The following KLF12 variants were observed in gnomAD, a reference collection of about 807,000 sequenced individuals.
KLF12 encodes KLF transcription factor 12.
Under a neutral mutation model 37.8 loss-of-function variants are expected in KLF12, and 9 were observed. The observed-to-expected ratio is 0.24, with a 90% CI of 0.14 to 0.42. KLF12 has a LOEUF of 0.42. Among genes scored for constraint, KLF12 ranks in the 10% least tolerant of loss-of-function variants. The pLI is 1.00. For synonymous variants in KLF12, 208 were observed against 202.1 expected, an observed-to-expected ratio of 1.03 and a Z score of -0.25; for missense variants, 411 against 516.0, an observed-to-expected ratio of 0.80 and a Z score of 1.97.
chr13:73,699,701 G>A (rs570256601), intron 7 of KLF12, among the ~76,000 whole-genome samples: 1 of 152,274 alleles, frequency 6.6e-6, no homozygotes, highest in East Asian at 1.9e-4. Context: ...CTGGGAAGTG[G>A]GGTTACAACA....
the KLF12 span, among the ~76,000 whole-genome samples, chr13:74,249,378 ACG>A: frequency 4.9e-5 from 7 of 141,590 alleles, no homozygotes; most frequent in Admixed American, 5.2e-4. Context: ...ACACACACAC[ACG>A]CACACCCTCA....
At chr13:73,883,924 G>A (rs771410133) in intron 3 of KLF12, among the ~76,000 whole-genome samples, 1 of 152,150 alleles carries the variant, frequency 6.6e-6, no homozygotes, top group Non-Finnish European at 1.5e-5. Context: ...AAATGGAGTG[G>A]CAGTCAACTT....
At chr13:74,127,695 C>A (rs905384536) in intron 1 of KLF12, among the ~76,000 whole-genome samples, 2 of 152,118 alleles carry the variant, frequency 1.3e-5, no homozygotes, top group African/African-American at 4.8e-5. Flanking sequence ...AGAAATCATG[C>A]GTGATTATAA....
chr13:73,929,043 G>A (rs1889542242), intron 3 of KLF12, among the ~76,000 whole-genome samples: 1 of 152,132 alleles, frequency 6.6e-6, no homozygotes, highest in South Asian at 2.1e-4. Flanking sequence ...ACCATTTTGT[G>A]ACTAAAAATG....
chr13:74,257,357 T>C, the KLF12 span: 2 of 152,102 alleles, frequency 1.3e-5, no homozygotes, highest in African/African-American at 4.8e-5. Flanking sequence ...GTGGACTGAG[T>C]TAACTCCCGA....
chr13:73,782,322 G>A (rs1252274549), intron 5 of KLF12, among the ~76,000 whole-genome samples: 2 of 152,176 alleles, frequency 1.3e-5, no homozygotes, highest in Non-Finnish European at 2.9e-5. Context: ...ATGCTGCAGT[G>A]CTGACATGTG....
At chr13:73,933,551 C>T (rs1889783256) in intron 3 of KLF12, among the ~76,000 whole-genome samples, 1 of 152,100 alleles carries the variant, frequency 6.6e-6, no homozygotes, top group Admixed American at 6.5e-5. Flanking sequence ...TGGCTAAACA[C>T]GAATAGTCTC....
At chr13:74,149,201 C>G in the KLF12 span, among the ~76,000 whole-genome samples, 1 of 152,176 alleles carries the variant, frequency 6.6e-6, no homozygotes, top group South Asian at 2.1e-4. Flanking sequence ...TATATGCTGA[C>G]AACTCTCAAA....
the KLF12 span, among the ~76,000 whole-genome samples, chr13:74,256,352 T>G: frequency 6.6e-6 from 1 of 152,150 alleles, no homozygotes; most frequent in Admixed American, 6.5e-5. Flanking sequence ...GCTCAGCCAC[T>G]GTTGTGCTTT....
At chr13:74,295,187 T>C in the KLF12 span, among the ~76,000 whole-genome samples, 1 of 152,224 alleles carries the variant, frequency 6.6e-6, no homozygotes, top group East Asian at 1.9e-4. Context: ...TAGTGTATGA[T>C]GGCCATAGCA....
the KLF12 span, among the ~76,000 whole-genome samples, chr13:74,262,623 G>A: frequency 6.6e-6 from 1 of 152,082 alleles, no homozygotes; most frequent in Non-Finnish European, 1.5e-5. Context: ...TGTTTAGGGA[G>A]TAAGGACAAG....
chr13:74,281,299 G>T, the KLF12 span, among the ~76,000 whole-genome samples: 554 of 152,194 alleles, frequency 3.6e-3, 1 homozygote, highest in Non-Finnish European at 5.9e-3. Flanking sequence ...AAGTAGTTTT[G>T]CACTGACTGT....
chr13:74,009,089 T>G (rs1022750334), intron 1 of KLF12, among the ~76,000 whole-genome samples: 1 of 152,196 alleles, frequency 6.6e-6, no homozygotes, highest in African/African-American at 2.4e-5. Flanking sequence ...CTTGAGGAAT[T>G]CTGAAGGTGA....
intron 3 of KLF12, among the ~76,000 whole-genome samples, chr13:73,910,025 G>A (rs916488899): frequency 2.0e-5 from 3 of 151,996 alleles, no homozygotes; most frequent in Admixed American, 6.6e-5. Flanking sequence ...AGAATTATTA[G>A]CCTCATTGAT....
chr13:74,085,568 G>A (rs1398750723), intron 1 of KLF12, among the ~76,000 whole-genome samples: 8 of 152,160 alleles, frequency 5.3e-5, no homozygotes, highest in Non-Finnish European at 1.2e-4. Flanking sequence ...ATTTTAGAGA[G>A]ACCTAAAAAT....
intron 2 of KLF12, among the ~76,000 whole-genome samples, chr13:73,982,481 T>C (rs186299984): frequency 6.6e-6 from 1 of 152,172 alleles, no homozygotes; most frequent in Non-Finnish European, 1.5e-5. Flanking sequence ...AAGGATATCT[T>C]CCATCATTGA....
chr13:74,150,408 T>A, the KLF12 span, among the ~76,000 whole-genome samples: 1 of 152,206 alleles, frequency 6.6e-6, no homozygotes, highest in Non-Finnish European at 1.5e-5. Flanking sequence ...CTGGAACACA[T>A]TTCGTTCATG....
intron 3 of KLF12, among the ~76,000 whole-genome samples, chr13:73,892,756 G>A (rs1887569028): frequency 6.6e-6 from 1 of 152,108 alleles, no homozygotes; most frequent in Non-Finnish European, 1.5e-5. Context: ...GACAGTTTTT[G>A]CACAGCAACA....
At chr13:74,253,587 T>G in the KLF12 span, among the ~76,000 whole-genome samples, 2 of 152,212 alleles carry the variant, frequency 1.3e-5, no homozygotes, top group Non-Finnish European at 2.9e-5. Flanking sequence ...TTAATTCTGA[T>G]GTTGAATGCT....
Sources: gnomAD v4.1 joint callset for allele counts (sites outside exome capture counted in the v4.1 genomes callset) on GRCh38, gnomAD v4.1.1 for gene constraint, MANE v1.5 for transcripts, NCBI Gene and HGNC (gene_info 2026-07-23, HGNC 2026-07-21) for gene names.